The following MARCHF10 variants were observed in gnomAD, a reference collection of about 807,000 sequenced individuals.
MARCHF10 encodes membrane associated ring-CH-type finger 10, also known as probable E3 ubiquitin-protein ligase MARCHF10.
In MARCHF10, 64 loss-of-function variants were observed where a neutral mutation model predicts 76.2. The ratio of observed to expected loss-of-function variants is 0.84; its 90% confidence interval spans 0.69 to 1.03. The LOEUF (loss-of-function observed/expected upper bound fraction) is 1.03. Among genes scored for constraint, MARCHF10 ranks in the 50% least tolerant of loss-of-function variants. The pLI is 0.00. For synonymous variants in MARCHF10, 340 were observed against 357.5 expected (o/e 0.95, Z 0.55); for missense variants, 875 against 958.0 (o/e 0.91, Z 1.14).
chr17:62,746,305 TTGG>T (rs2147872367), intron 4 of MARCHF10, among the ~76,000 whole-genome samples: 1 of 152,086 alleles, frequency 6.6e-6, no homozygotes, highest in East Asian at 1.9e-4. Context: ...TTGGGGCAAG[TTGG>T]TGGAGCCCAG....
chr17:62,754,899 T>G (rs1402185813), intron 4 of MARCHF10, among the ~76,000 whole-genome samples: 1 of 152,188 alleles, frequency 6.6e-6, no homozygotes, highest in East Asian at 1.9e-4. Flanking sequence ...CAAGGTGAAT[T>G]ATGAGGATTT....
intron 2 of MARCHF10, among the ~76,000 whole-genome samples, chr17:62,792,601 ACCTCCATCAACCACCAACG>A (rs2092866916): frequency 1.7e-5 from 2 of 119,386 alleles, no homozygotes; most frequent in Admixed American, 8.6e-5. Context: ...CACCACCACC[ACCTCCATCAACCACCAACG>A]CCTCCATCAC....
At chr17:62,705,624 T>TA (rs765051340) in intron 9 of MARCHF10, 43 bp from the exon 10 acceptor site, 2 of 1,611,704 alleles carry the variant, frequency 1.2e-6, no homozygotes, top group South Asian at 2.2e-5. Context: ...TTTTTTCCAA[T>TA]ACGATTGTGA....
chr17:62,744,441 G>T lies in MARCHF10; in HGVS notation c.470C>A (p.Ala157Glu), dbSNP rs1239774404. ...TTTCTGTCTGCTTCTGTCCCCAGAT[G>T]CTCTCGGGCTGTGCGATTCTGGGCT... ...TVSPESHSPR[A>E]SGDRSRQKQQ... is the part of the protein sequence containing the mutation. The change falls in exon 5 of 11, where the codon GCA (alanine) becomes GAA (glutamate). Residue 157 changes from alanine (A) to glutamate (E), a missense_variant. Ala to Glu is a moderately radical substitution (Grantham distance 107). Transcript: ENST00000311269. The T allele has an allele frequency of 1.9e-6, 3 of 1,614,180 alleles. No individual in the cohort carries two copies. The highest frequency in any genetic ancestry group is 2.5e-6 in the Non-Finnish European group (3 of 1,180,026).
At chr17:62,760,377 G>A (rs905672944) in intron 3 of MARCHF10, among the ~76,000 whole-genome samples, 9 of 152,288 alleles carry the variant, frequency 5.9e-5, no homozygotes, top group African/African-American at 1.7e-4. Flanking sequence ...AGATAGGCTA[G>A]AAGAAAAAAT....
chr17:62,714,240 C>T (rs770428029), intron 8 of MARCHF10: 1 of 242,468 alleles, frequency 4.1e-6, no homozygotes, highest in African/African-American at 2.3e-5. Flanking sequence ...GTGCATCTTA[C>T]CTGGAAAGCG....
intron 3 of MARCHF10, among the ~76,000 whole-genome samples, chr17:62,765,482 C>T (rs558154117): frequency 9.0e-4 from 137 of 152,012 alleles, no homozygotes; most frequent in Admixed American, 1.5e-3. Context: ...AGGCTTCTCT[C>T]GGATTTTCAG....
At chr17:62,705,393 C>T (rs2089515354) in intron 10 of MARCHF10, 146 bp downstream of exon 10, 8 of 1,544,702 alleles carry the variant, frequency 5.2e-6, no homozygotes, top group African/African-American at 1.4e-5. Flanking sequence ...TTTGCTGCGG[C>T]TGACTTTCCC....
At chr17:62,709,282 C>G (rs1404530530) in intron 9 of MARCHF10, among the ~76,000 whole-genome samples, 1 of 152,124 alleles carries the variant, frequency 6.6e-6, no homozygotes, top group African/African-American at 2.4e-5. Flanking sequence ...GAGTTCGAGA[C>G]CAGCCTGACC....
intron 8 of MARCHF10, chr17:62,714,298 A>G (rs2090081177): frequency 2.8e-6 from 2 of 720,232 alleles, no homozygotes; most frequent in Admixed American, 6.3e-5. Context: ...CTGTGACTTT[A>G]GGCAGAGTTT....
chr17:62,799,186 C>G (rs1044336472), intron 2 of MARCHF10, among the ~76,000 whole-genome samples: 3 of 152,112 alleles, frequency 2.0e-5, no homozygotes, highest in African/African-American at 7.2e-5. Context: ...TCCCTCACTC[C>G]GCCTCTCCAT....
chr17:62,794,145 TCAC>T (rs61363186), intron 2 of MARCHF10, among the ~76,000 whole-genome samples: 1 of 138,076 alleles, frequency 7.2e-6, no homozygotes, highest in East Asian at 2.2e-4. Flanking sequence ...ACCAAAACAG[TCAC>T]CACCACCACC....
chr17:62,746,376 C>T (rs2147872699), intron 4 of MARCHF10, among the ~76,000 whole-genome samples: 1 of 152,068 alleles, frequency 6.6e-6, no homozygotes, highest in South Asian at 2.1e-4. Flanking sequence ...AGAAGATAGT[C>T]TTGGGATGGC....
At chr17:62,754,534 G>A (rs528722189) in intron 4 of MARCHF10, among the ~76,000 whole-genome samples, 3 of 152,154 alleles carry the variant, frequency 2.0e-5, no homozygotes, top group African/African-American at 7.2e-5. Context: ...CTACATCCAG[G>A]GTTTCCACCC....
intron 3 of MARCHF10, among the ~76,000 whole-genome samples, chr17:62,772,347 G>C (rs2092464554): frequency 6.6e-6 from 1 of 152,126 alleles, no homozygotes; most frequent in Non-Finnish European, 1.5e-5. Context: ...CCATGATTGT[G>C]AGGCCTCCCC....
Position 62,759,976 on chromosome 17 carries a change from G to A in MARCHF10, c.241C>T (p.Pro81Ser), listed in dbSNP as rs78457484. 7,419 of 1,613,956 alleles carry A rather than the reference G, an allele frequency of 4.6e-3. 244 individuals carry two copies. In the African/African-American group the frequency reaches 0.074, roughly 16 times the overall value. The change falls in exon 4 of 11, where the codon CCA becomes TCA. Residue 81 changes from proline to serine, a missense_variant. By Grantham distance (74) the Pro-to-Ser change is moderately conservative. Coordinates refer to ENST00000311269, the MANE Select transcript of MARCHF10 (RefSeq NM_152598.4). Reference sequence around the variant, plus strand: ...GCAGATATCTTGATAGATGACCTTGGTTCAGTTAGAGCATCCTCCTCACTA... The same window carrying A: ...GCAGATATCTTGATAGATGACCTTGATTCAGTTAGAGCATCCTCCTCACTA... Reference protein sequence around the residue: ...SSSEEDALTEPRSSIKISAFK... With the variant: ...SSSEEDALTESRSSIKISAFK...
chr17:62,772,541 T>A (rs768768041), intron 3 of MARCHF10, among the ~76,000 whole-genome samples: 9 of 152,082 alleles, frequency 5.9e-5, no homozygotes, highest in Non-Finnish European at 1.2e-4. Context: ...AATGCCTGAG[T>A]GAGACAGTGA....
chr17:62,765,312 A>C (rs550459837), intron 3 of MARCHF10, among the ~76,000 whole-genome samples: 25 of 141,776 alleles, frequency 1.8e-4, no homozygotes, highest in African/African-American at 6.7e-4. Flanking sequence ...AGATTGTGCC[A>C]CTGCACTCCA....
chr17:62,731,977 G>T (rs1014472902), intron 6 of MARCHF10, among the ~76,000 whole-genome samples: 18 of 152,090 alleles, frequency 1.2e-4, no homozygotes, highest in African/African-American at 3.9e-4. Flanking sequence ...AAAACATATA[G>T]TCAGTTGGAT....
Sources: allele counts gnomAD v4.1 joint callset (sites outside exome capture counted in the v4.1 genomes callset), GRCh38; gene constraint gnomAD v4.1.1; transcripts MANE v1.5; gene names NCBI Gene and HGNC (gene_info 2026-07-23, HGNC 2026-07-21).